MBOAT7: variants seen among roughly 807,000 people sequenced by gnomAD.
The protein encoded by MBOAT7 is membrane-bound acylglycerophosphatidylinositol O-acyltransferase MBOAT7.
In MBOAT7, 40 loss-of-function variants were observed where a neutral mutation model predicts 47.4. The ratio of observed to expected loss-of-function variants is 0.84; its 90% CI spans 0.66 to 1.10. MBOAT7 has a LOEUF of 1.10. Among genes scored for constraint, MBOAT7 ranks in the 50% least tolerant of loss-of-function variants. The pLI, the probability that MBOAT7 is intolerant of heterozygous loss-of-function variation, is 0.00. For synonymous variants in MBOAT7, 361 were observed against 292.0 expected, an observed-to-expected ratio of 1.24 and a Z score of -2.41; for missense variants, 680 against 655.6, an observed-to-expected ratio of 1.04 and a Z score of -0.41.
intron 4 of MBOAT7, among the ~76,000 whole-genome samples, chr19:54,183,920 T>C (rs1466347953): frequency 6.6e-6 from 1 of 152,120 alleles, no homozygotes; most frequent in Non-Finnish European, 1.5e-5. Flanking sequence ...GTTTCGATAC[T>C]ATCCACACGC....
chr19:54,188,318 G>C lies in MBOAT7; in HGVS notation c.105C>G (p.Ala35=). Residue 35 remains alanine (A), a synonymous_variant, in exon 3 of 8, where the codon GCC becomes GCG. Coordinates refer to ENST00000245615, the MANE Select transcript of MBOAT7 (RefSeq NM_024298.5). ...AGPGLKRWGA[A]AVGLGLTLFT... Reference sequence around the variant, plus strand: ...ACAGGGTGAGCCCCAGGCCCACAGCGGCTGCTCCCCATCTCTTCAGCCCAG... The same window carrying C: ...ACAGGGTGAGCCCCAGGCCCACAGCCGCTGCTCCCCATCTCTTCAGCCCAG... 1.2e-6 allele frequency: 2 copies of C among 1,613,918 alleles called. No individual in the cohort carries two copies. Among genetic ancestry groups the C allele is most frequent in the Non-Finnish European group, 1.7e-6 (2 of 1,179,940 alleles).
Position 54,181,113 on chromosome 19 carries a change from T to A in MBOAT7, c.514A>T (p.Thr172Ser). The change falls in exon 6 of 8, where the codon ACC becomes TCC. Residue 172 changes from threonine (T) to serine (S), a missense_variant. By Grantham distance (58) the Thr-to-Ser change is moderately conservative (BLOSUM62 1). Coordinates refer to ENST00000245615, the MANE Select transcript of MBOAT7 (RefSeq NM_024298.5). ...GGCTGCTCCAGCCAGTCCAGGTAGG[T>A]GCGGTAGCGGAAGAACGGGCCTGTG... ...IMTGPFFRYR[T>S]YLDWLEQPFP... is the part of the protein sequence containing the mutation. 6.8e-7 allele frequency: 1 copy of A among 1,476,918 alleles called. No individual in the cohort carries two copies. The highest frequency in any genetic ancestry group is 9.0e-7 in the Non-Finnish European group (1 of 1,113,270). 91.5% of individuals were successfully genotyped at this position (1,476,918 alleles called of 1,614,324 possible).
chr19:54,175,344 T>C (rs1203160377), intron 7 of MBOAT7, among the ~76,000 whole-genome samples: 1 of 152,148 alleles, frequency 6.6e-6, no homozygotes, highest in East Asian at 1.9e-4. Context: ...TTGTGAGACA[T>C]ACAAATCCTT....
At chr19:54,183,458 C>A in intron 5 of MBOAT7, 63 bp downstream of exon 5, 1 of 1,561,430 alleles carries the variant, frequency 6.4e-7, no homozygotes, top group Non-Finnish European at 8.7e-7. Flanking sequence ...ACAGAACAGG[C>A]ACTCAGGGCG....
chr19:54,185,554 G>A (rs1037532756), intron 4 of MBOAT7, among the ~76,000 whole-genome samples: 1 of 152,142 alleles, frequency 6.6e-6, no homozygotes, highest in African/African-American at 2.4e-5. Flanking sequence ...CCTACCCACA[G>A]CCAGCCAACG....
intron 4 of MBOAT7, among the ~76,000 whole-genome samples, chr19:54,185,915 C>G (rs1321268996): frequency 6.6e-6 from 1 of 151,720 alleles, no homozygotes; most frequent in African/African-American, 2.4e-5. Flanking sequence ...AGGATGGTCT[C>G]AAACTCCTAA....
In MBOAT7 at chr19:54,188,014, T is replaced by TAAGAAAGA. The variant is rs1449446333; in HGVS notation, c.206+202_206+203insTCTTTCTT. On this transcript the variant is annotated intron_variant, in intron 3 of 7. Transcript: ENST00000245615. ...TGGGCAACAGGAGCGAAACTCCATC[T>TAAGAAAGA]CAGAAAGAAAGAAAGAAAGAAAGAA... Among the ~76,000 whole-genome samples, 48 of 82,436 alleles carry TAAGAAAGA rather than the reference T, an allele frequency of 5.8e-4. 1 individual carries two copies. The highest frequency in any genetic ancestry group is 5.3e-3 in the Middle Eastern group (1 of 188). The allele number at this position is 82,436 out of a possible 152,430, so 54.1% of individuals were successfully genotyped here.
chr19:54,180,686 C>T lies in MBOAT7; in HGVS notation c.854+87G>A, dbSNP rs2076236464. The T allele has an allele frequency of 1.5e-6, 2 of 1,304,446 alleles. No individual in the cohort carries two copies. Among genetic ancestry groups the T allele is most frequent in the South Asian group, 1.5e-5 (1 of 64,892 alleles). The allele number at this position is 1,304,446 out of a possible 1,614,324, so 80.8% of individuals were successfully genotyped here. A position where few individuals can be genotyped will look rare whatever the true frequency, so the allele number is the denominator to read the frequency against. On this transcript the variant is annotated intron_variant, in intron 6 of 7. Coordinates refer to ENST00000245615, the MANE Select transcript of MBOAT7 (RefSeq NM_024298.5). The surrounding 1 kb of genome is among the most constrained non-coding windows in gnomAD (Gnocchi z 5.2). ...AAGGTGGTGGCCCTGGCCCCTTGCT[C>T]CCCGCTCTCCTCCCGGCTAGGGGCA...
chr19:54,174,307 G>A lies in MBOAT7; in HGVS notation c.1156C>T (p.Arg386Trp), dbSNP rs752034954. The A allele has an allele frequency of 1.2e-5, 20 of 1,612,914 alleles. No homozygotes were observed. In the Middle Eastern group the frequency reaches 6.6e-4, roughly 53 times the overall value. Residue 386 changes from arginine to tryptophan, a missense_variant, in exon 8 of 8, where the codon CGG becomes TGG. By Grantham distance (101) the Arg-to-Trp change is moderately radical. Coordinates refer to ENST00000245615, the MANE Select transcript of MBOAT7 (RefSeq NM_024298.5). ...EGRLESALRGRLSPGGQKAWD... is the reference protein window; with the variant it reads ...EGRLESALRGWLSPGGQKAWD... The stretch of plus-strand genomic sequence containing the variant: ...GCCTTCTGGCCCCCTGGGCTCAGCC[G>A]CCCCCGCAGGGCTGACTCCAGCCGG...
Position 54,173,837 on chromosome 19 carries a change from T to C in MBOAT7, c.*207A>G. 7.1e-6 allele frequency: 2 copies of C among 282,858 alleles called. No homozygotes were observed. The highest frequency in any genetic ancestry group is 5.4e-5 in the East Asian group (1 of 18,552). The allele number at this position is 282,858 out of a possible 1,614,324, so 17.5% of individuals were successfully genotyped here. A position where few individuals can be genotyped will look rare whatever the true frequency, so the allele number is the denominator to read the frequency against. On this transcript the variant is annotated 3_prime_UTR_variant, in exon 8 of 8. Transcript: ENST00000245615. ...AGTGACTCTTGTCTGGACAATACTT[T>C]GATTTTGTAGGAGTGGAGGTGGCCT... is the stretch of plus-strand genomic sequence containing the variant.
At chr19:54,184,327 C>T (rs141288653) in intron 4 of MBOAT7, among the ~76,000 whole-genome samples, 5 of 151,966 alleles carry the variant, frequency 3.3e-5, no homozygotes, top group East Asian at 3.9e-4. Context: ...GTGATCTGCC[C>T]GCCTTGAAAT....
At position 54,183,552 on chromosome 19, in the gene MBOAT7, G is replaced by C; in HGVS notation, c.462C>G (p.Ser154Arg). 1 of 1,608,640 alleles carries C rather than the reference G, an allele frequency of 6.2e-7. No individual in the cohort carries two copies. The change falls in exon 5 of 8, where the codon AGC becomes AGG. Residue 154 changes from serine to arginine, a missense_variant. Transcript: ENST00000245615. ...PDVPSLMETL[S>R]YSYCYVGIMT... The stretch of plus-strand genomic sequence containing the variant: ...TGATTCCCACGTAGCAGTAGCTGTA[G>C]CTGAGTGTCTCCATCAGGGAGGGCA...
chr19:54,179,045 G>A (rs2076196738), intron 6 of MBOAT7, 104 bp from the exon 7 acceptor site: 5 of 1,472,656 alleles, frequency 3.4e-6, no homozygotes, highest in African/African-American at 1.4e-5. Flanking sequence ...AAGGGATCCT[G>A]GCCAGGCAAT....
rs568362594 is a variant in MBOAT7, at chr19:54,187,152, G to A, written c.333+9C>T. 2 of 1,554,604 alleles carry A rather than the reference G, an allele frequency of 1.3e-6. No homozygotes were observed. Among genetic ancestry groups the A allele is most frequent in the East Asian group, 2.4e-5 (1 of 41,748 alleles). On this transcript the variant is annotated intron_variant, in intron 4 of 7. Transcript: ENST00000245615. Reference sequence around the variant, plus strand: ...AGGCTGGAGGGGAGTGGCAAGCCCCGAGTCTGACCTTCAGCGTCAGCAGCA... The same window carrying A: ...AGGCTGGAGGGGAGTGGCAAGCCCCAAGTCTGACCTTCAGCGTCAGCAGCA...
intron 7 of MBOAT7, among the ~76,000 whole-genome samples, chr19:54,175,127 C>A (rs555902742): frequency 1.3e-5 from 2 of 152,086 alleles, no homozygotes; most frequent in Non-Finnish European, 2.9e-5. Flanking sequence ...AGGCGCCTGC[C>A]ACCACGCCCG....
Position 54,180,710 on chromosome 19 carries a change from C to G in MBOAT7, c.854+63G>C. 7.0e-7 allele frequency: 1 copy of G among 1,423,272 alleles called. No individual in the cohort carries two copies. Among genetic ancestry groups the G allele is most frequent in the East Asian group, 2.5e-5 (1 of 39,888 alleles). 88.2% of individuals were successfully genotyped at this position (1,423,272 alleles called of 1,614,324 possible). ...TCCCCGCTCTCCTCCCGGCTAGGGGCAGAGCCAGCCCTTGGAGGTGGGGGC... is the reference window on the plus strand; with the variant it reads ...TCCCCGCTCTCCTCCCGGCTAGGGGGAGAGCCAGCCCTTGGAGGTGGGGGC... On this transcript the variant is annotated intron_variant, in intron 6 of 7. Coordinates refer to ENST00000245615, the MANE Select transcript of MBOAT7 (RefSeq NM_024298.5). This position sits in a 1 kb window ranked among gnomAD's most constrained non-coding sequence, Gnocchi z 5.2.
At chr19:54,175,101 G>C (rs529381735) in intron 7 of MBOAT7, among the ~76,000 whole-genome samples, 9 of 150,490 alleles carry the variant, frequency 6.0e-5, no homozygotes, top group East Asian at 4.0e-4. Context: ...TCAGCCTCCC[G>C]AGTAGCTGGG....
rs1045033878 is a variant in MBOAT7, at chr19:54,180,383, C to T, written c.854+390G>A. 1.8e-5 allele frequency: 3 copies of T among 167,608 alleles called. No homozygotes were observed. Among genetic ancestry groups the T allele is most frequent in the East Asian group, 1.6e-4 (1 of 6,300 alleles). 10.4% of individuals were successfully genotyped at this position (167,608 alleles called of 1,614,324 possible). On this transcript the variant is annotated intron_variant, in intron 6 of 7. Transcript: ENST00000245615. This position sits in a 1 kb window ranked among gnomAD's most constrained non-coding sequence, Gnocchi z 5.2. ...ATAGTGGCGTTCTGTTGCTAGGGAA[C>T]CGTTTCCCTAGCAACAGAGGGTGAC...
In MBOAT7 at chr19:54,173,495, T is replaced by C. The variant is rs8736; in HGVS notation, c.*549A>G. ...AGCGATGAGAAGAGGGCGCCAGGAG[T>C]GCTGGGGTCCCGAGGTGGCTCAGAT... On this transcript the variant is annotated 3_prime_UTR_variant, in exon 8 of 8. Transcript: ENST00000245615. 0.61 allele frequency: 113,892 copies of C among 188,012 alleles called. 34,900 individuals carry two copies. Among genetic ancestry groups the C allele is most frequent in the East Asian group, 0.76 (5,124 of 6,744 alleles). 11.6% of individuals were successfully genotyped at this position (188,012 alleles called of 1,614,324 possible).
Sources: gnomAD v4.1 joint callset for allele counts (sites outside exome capture counted in the v4.1 genomes callset) on GRCh38, gnomAD v4.1.1 for gene constraint, Gnocchi (gnomAD v3.1) non-coding constraint, MANE v1.5 for transcripts, NCBI Gene and HGNC (gene_info 2026-07-23, HGNC 2026-07-21) for gene names.